Variants in HHLA1 observed in about 807,000 individuals in gnomAD.
HHLA1 encodes the protein HHLA1 neighbor of OC90.
HHLA1 carries 72 observed loss-of-function variants against 69.9 expected under a neutral mutation model. The observed-to-expected ratio is 1.03, with a 90% CI of 0.85 to 1.25. HHLA1 has a LOEUF of 1.25. HHLA1 is among the 50% of genes most tolerant of loss of function. HHLA1 has a pLI of 0.00. For missense variants in HHLA1, 685 were observed against 642.2 expected, an observed-to-expected ratio of 1.07 and a Z score of -0.72; for synonymous variants, 252 against 233.2, an observed-to-expected ratio of 1.08 and a Z score of -0.73.
chr8:132,088,593 G>A (rs1295308030), intron 8 of HHLA1, among the ~76,000 whole-genome samples: 1 of 152,162 alleles, frequency 6.6e-6, no homozygotes, highest in Non-Finnish European at 1.5e-5. Flanking sequence ...GGAGATAATG[G>A]GAGTGATGCA....
intron 2 of HHLA1, 66 bp from the exon 3 acceptor site, chr8:132,104,233 C>A: frequency 2.7e-6 from 3 of 1,109,226 alleles, no homozygotes; most frequent in South Asian, 2.8e-5. Flanking sequence ...TAATTTGATT[C>A]AACATACCCA....
intron 15 of HHLA1, 78 bp downstream of exon 15, chr8:132,071,262 T>C (rs990890508): frequency 7.5e-7 from 1 of 1,339,580 alleles, no homozygotes; most frequent in African/African-American, 1.5e-5. Context: ...CTGACTGCCT[T>C]GTGGCCTGCA....
intron 7 of HHLA1, among the ~76,000 whole-genome samples, chr8:132,090,886 G>A (rs1042530726): frequency 1.6e-4 from 24 of 151,366 alleles, no homozygotes; most frequent in Admixed American, 4.0e-4. Flanking sequence ...AGCCTCCCAA[G>A]TATCTGGGAC....
intron 2 of HHLA1, 109 bp from the exon 3 acceptor site, chr8:132,104,276 G>A: frequency 1.3e-6 from 1 of 743,348 alleles, no homozygotes; most frequent in South Asian, 1.8e-5. Context: ...ATCTGGGGTT[G>A]TGAAGTGACA....
At chr8:132,071,005 ACTCAACTCATCTCAACTCAACTTAT>A (rs1183616544) in intron 15 of HHLA1, among the ~76,000 whole-genome samples, 1 of 151,894 alleles carries the variant, frequency 6.6e-6, no homozygotes, top group Non-Finnish European at 1.5e-5. Flanking sequence ...ACTCAACACA[ACTCAACTCATCTCAACTCAACTTAT>A]CTCAACTCAT....
rs1824066065 is a variant in HHLA1, at chr8:132,098,888, A to G, written c.274T>C (p.Leu92=). Reference sequence around the variant, plus strand: ...GCTTTTAAAATATGATTACCTTTTAACGCTCTACTGAGCATCCCATTCACA... The same window carrying G: ...GCTTTTAAAATATGATTACCTTTTAGCGCTCTACTGAGCATCCCATTCACA... The part of the protein sequence containing the change: ...ELVNGMLSRA[L]KDSKKFFSLL... The change falls in exon 5 of 17, where the codon TTA becomes CTA. Residue 92 remains leucine (L), a synonymous_variant. Coordinates refer to ENST00000414222, the MANE Select transcript of HHLA1 (RefSeq NM_001145095.3). 2.6e-6 allele frequency: 4 copies of G among 1,547,620 alleles called. No homozygotes were observed. Among genetic ancestry groups the G allele is most frequent in the Non-Finnish European group, 3.5e-6 (4 of 1,143,606 alleles).
At chr8:132,064,886 A>G (rs1409784470) in intron 16 of HHLA1, among the ~76,000 whole-genome samples, 4 of 152,214 alleles carry the variant, frequency 2.6e-5, no homozygotes, top group African/African-American at 7.2e-5. Flanking sequence ...TCAGGACCCA[A>G]ATGGAAAGAT....
intron 15 of HHLA1, among the ~76,000 whole-genome samples, chr8:132,068,383 C>A (rs139630023): frequency 8.4e-4 from 128 of 152,274 alleles, no homozygotes; most frequent in African/African-American, 2.9e-3. Context: ...CAGAGGCATC[C>A]CCTACAGTGA....
chr8:132,075,718 C>T (rs991581676), intron 14 of HHLA1, among the ~76,000 whole-genome samples: 7 of 152,152 alleles, frequency 4.6e-5, no homozygotes, highest in Admixed American at 2.6e-4. Flanking sequence ...GACATTCACT[C>T]GATAAAAGTT....
chr8:132,086,467 G>A (rs1426924677), intron 10 of HHLA1, among the ~76,000 whole-genome samples: 1 of 152,204 alleles, frequency 6.6e-6, no homozygotes, highest in African/African-American at 2.4e-5. Flanking sequence ...CAGACATGGG[G>A]CTAAGTACAT....
intron 13 of HHLA1, 56 bp downstream of exon 13, chr8:132,076,419 T>TGA: frequency 1.7e-6 from 1 of 596,560 alleles, no homozygotes; most frequent in Non-Finnish European, 3.1e-6. Flanking sequence ...TCCCCAAGCT[T>TGA]CCCACCCCTC....
At chr8:132,109,745 A>G (rs1824265325) in intron 1 of HHLA1, among the ~76,000 whole-genome samples, 1 of 152,172 alleles carries the variant, frequency 6.6e-6, no homozygotes, top group African/African-American at 2.4e-5. Context: ...TCCCTTGTCC[A>G]CAGTGTTCTG....
intron 8 of HHLA1, 100 bp downstream of exon 8, chr8:132,089,416 C>T (rs1586731273): frequency 1.4e-6 from 1 of 721,428 alleles, no homozygotes; most frequent in East Asian, 2.7e-5. Flanking sequence ...GCAGCCTGGC[C>T]TATAGCAGGG....
At chr8:132,071,227 T>G in intron 15 of HHLA1, 113 bp downstream of exon 15, 1 of 864,516 alleles carries the variant, frequency 1.2e-6, no homozygotes, top group Non-Finnish European at 1.8e-6. Flanking sequence ...TAACCCCTAC[T>G]GCCTGTCTGT....
rs1823383019 is a variant in HHLA1 at position 132,063,309 on chromosome 8, G to A, written c.*686C>T. 1 of 152,152 alleles carries A rather than the reference G, an allele frequency of 6.6e-6. No homozygotes were observed. Among genetic ancestry groups the A allele is most frequent in the Non-Finnish European group, 1.5e-5 (1 of 68,032 alleles). The allele number at this position is 152,152 out of a possible 1,614,324, so 9.4% of individuals were successfully genotyped here. The stretch of plus-strand genomic sequence containing the variant: ...CTCTGAGTTCTACTCATGAATCATT[G>A]AACCTGAGGGTGCTCATGGGGACCT... On this transcript the variant is annotated 3_prime_UTR_variant, in exon 17 of 17. Transcript: ENST00000414222.
At position 132,077,730 on chromosome 8, in the gene HHLA1, G is replaced by C. The variant is rs1028794521; in HGVS notation, c.1167C>G (p.Thr389=). ...GAAGTGAGCACCCTCTCTTACCCAA[G>C]GTAGGGCTGGCCTGGGATGGGCTGC... ...TPGSPSQASP[T]LGAFTHGTQT... Residue 389 remains threonine (T), a synonymous_variant, in exon 12 of 17, where the codon ACC becomes ACG. Coordinates refer to ENST00000414222, the MANE Select transcript of HHLA1 (RefSeq NM_001145095.3). 7.7e-6 allele frequency: 12 copies of C among 1,551,446 alleles called. No homozygotes were observed. The Admixed American group carries it at 7.8e-5, about 10-fold the overall frequency.
At chr8:132,081,314 G>A (rs902825628) in intron 10 of HHLA1, among the ~76,000 whole-genome samples, 3 of 152,208 alleles carry the variant, frequency 2.0e-5, no homozygotes, top group African/African-American at 7.2e-5. Flanking sequence ...CATCTATACA[G>A]GAGCCTAAAT....
Position 132,100,121 on chromosome 8 carries a change from T to G in HHLA1, c.153A>C (p.Arg51Ser). Residue 51 changes from arginine to serine, a missense_variant, in exon 4 of 17, where the codon AGA becomes AGC. By Grantham distance (110) the Arg-to-Ser change is moderately radical. Coordinates refer to ENST00000414222, the MANE Select transcript of HHLA1 (RefSeq NM_001145095.3). ...TFLPTTVSGL[R>S]EEERKEKGVA... is the part of the protein sequence containing the mutation. ...CCCCCTTCTCCTTCCTCTCTTCTTC[T>G]CTAAGGCCAGACACTGGGAAGGAGA... 7 of 1,551,008 alleles carry G rather than the reference T, an allele frequency of 4.5e-6. No homozygotes were observed. The highest frequency in any genetic ancestry group is 6.1e-6 in the Non-Finnish European group (7 of 1,146,420).
At chr8:132,100,573 C>A (rs975814160) in intron 3 of HHLA1, among the ~76,000 whole-genome samples, 6 of 152,148 alleles carry the variant, frequency 3.9e-5, no homozygotes, top group Non-Finnish European at 8.8e-5. Context: ...GAGAAAATGT[C>A]AAAGAAAAAT....
Sources: allele counts gnomAD v4.1 joint callset (sites outside exome capture counted in the v4.1 genomes callset), GRCh38; gene constraint gnomAD v4.1.1; transcripts MANE v1.5; gene names NCBI Gene and HGNC (gene_info 2026-07-23, HGNC 2026-07-21).